The following UTRN variants were observed in gnomAD, a reference collection of about 807,000 sequenced individuals.
UTRN encodes dystrophin-related protein 1.
A neutral mutation model predicts 463.9 loss-of-function variants in UTRN; 283 were observed. That is an observed-to-expected ratio of 0.61 (90% CI 0.55 to 0.67). The LOEUF is 0.67. UTRN is among the 30% of genes least tolerant of loss of function. The pLI is 0.00. For synonymous variants in UTRN, 1,442 were observed against 1,431.5 expected (o/e 1.01, Z -0.17); for missense variants, 3,922 against 4,084.3 (o/e 0.96, Z 1.08).
chr6:144,452,476 G>A (rs1475764454), intron 18 of UTRN, among the ~76,000 whole-genome samples: 1 of 152,202 alleles, frequency 6.6e-6, no homozygotes, highest in Non-Finnish European at 1.5e-5. Context: ...TGGGGATGGA[G>A]GAATGAGAGA....
chr6:144,762,803 A>G (rs1289724647), intron 58 of UTRN, among the ~76,000 whole-genome samples: 1 of 152,244 alleles, frequency 6.6e-6, no homozygotes, highest in Non-Finnish European at 1.5e-5. Context: ...ATAAGTCCTA[A>G]GGGACTTGAA....
At chr6:144,521,939 A>G (rs1197617602) in intron 39 of UTRN, 41 bp from the exon 40 acceptor site, 4 of 1,034,606 alleles carry the variant, frequency 3.9e-6, no homozygotes, top group Admixed American at 8.6e-5. Context: ...TTTAAGAGAT[A>G]TATATATATA....
At chr6:144,824,572 TTATATATATATATATATATATATATA>T (rs71028314) in intron 66 of UTRN, among the ~76,000 whole-genome samples, 12 of 37,902 alleles carry the variant, frequency 3.2e-4, no homozygotes, top group Non-Finnish European at 5.3e-4. Flanking sequence ...AGCATTTTAT[TTATATATATATATATATATATATATA>T]TATATATATA....
chr6:144,498,121 A>G (rs997843277), intron 33 of UTRN, among the ~76,000 whole-genome samples: 5 of 152,230 alleles, frequency 3.3e-5, no homozygotes, highest in African/African-American at 1.2e-4. Flanking sequence ...TGTCCACATA[A>G]ACATATTAAT....
intron 51 of UTRN, among the ~76,000 whole-genome samples, chr6:144,594,707 AT>A (rs1446772979): frequency 6.6e-6 from 1 of 152,150 alleles, no homozygotes; most frequent in Non-Finnish European, 1.5e-5. Flanking sequence ...AGCCATCACT[AT>A]AATCTAATTT....
At chr6:144,582,286 C>G (rs1178456346) in intron 51 of UTRN, among the ~76,000 whole-genome samples, 2 of 152,082 alleles carry the variant, frequency 1.3e-5, no homozygotes, top group African/African-American at 4.8e-5. Context: ...AGCATTAGCC[C>G]GGTTACCAGT....
intron 41 of UTRN, among the ~76,000 whole-genome samples, chr6:144,525,566 C>G (rs993388428): frequency 4.6e-5 from 7 of 152,004 alleles, no homozygotes; most frequent in Non-Finnish European, 1.0e-4. Context: ...TTTGGATCCT[C>G]TCTCTTTTCT....
intron 34 of UTRN, among the ~76,000 whole-genome samples, chr6:144,503,974 T>C (rs1371645371): frequency 6.6e-6 from 1 of 152,234 alleles, no homozygotes; most frequent in East Asian, 1.9e-4. Flanking sequence ...CCTTGTAAGT[T>C]GTATTCCTAG....
At chr6:144,529,588 A>T (rs1382093802) in intron 41 of UTRN, among the ~76,000 whole-genome samples, 1 of 152,142 alleles carries the variant, frequency 6.6e-6, no homozygotes, top group Non-Finnish European at 1.5e-5. Context: ...ATTGTTGTGT[A>T]GTTATTGTGA....
intron 58 of UTRN, 75 bp from the exon 59 acceptor site, chr6:144,771,831 TG>T: frequency 8.5e-7 from 1 of 1,172,686 alleles, no homozygotes; most frequent in Non-Finnish European, 1.2e-6. Context: ...CATTTCTACT[TG>T]GGTATTTCGT....
At chr6:144,601,801 C>A (rs1189909665) in intron 51 of UTRN, among the ~76,000 whole-genome samples, 2 of 151,952 alleles carry the variant, frequency 1.3e-5, no homozygotes, top group African/African-American at 4.8e-5. Flanking sequence ...ATAAATGGGG[C>A]AGACAGGAAG....
At chr6:144,291,026 G>A (rs890015081) in intron 1 of UTRN, among the ~76,000 whole-genome samples, 14 of 151,114 alleles carry the variant, frequency 9.3e-5, no homozygotes, top group Non-Finnish European at 8.8e-5. Flanking sequence ...CACCTGCCTC[G>A]GCCTCCCAAA....
intron 3 of UTRN, among the ~76,000 whole-genome samples, chr6:144,420,004 A>G (rs751537315): frequency 6.6e-6 from 1 of 151,954 alleles, no homozygotes; most frequent in Non-Finnish European, 1.5e-5. Flanking sequence ...ACACAATAAA[A>G]ACAGATAAGG....
At chr6:144,659,260 T>A (rs1242154716) in intron 51 of UTRN, among the ~76,000 whole-genome samples, 2 of 152,172 alleles carry the variant, frequency 1.3e-5, no homozygotes, top group East Asian at 3.9e-4. Flanking sequence ...CTCCAGGAAG[T>A]GGGAGTGAGC....
chr6:144,798,414 T>G (rs1777419661), intron 64 of UTRN, among the ~76,000 whole-genome samples: 1 of 152,194 alleles, frequency 6.6e-6, no homozygotes, highest in East Asian at 1.9e-4. Context: ...CTTTGTGTTA[T>G]TTCTGCCAAG....
rs6909044 is a variant in UTRN, at chr6:144,384,554, G to A, written c.80-18569G>A. ...TTTGGTGCCAAAAAGGTTAGGGACC[G>A]CCACATTAAACAACAACTCCTCACT... is the stretch of plus-strand genomic sequence containing the variant. On this transcript the variant is annotated intron_variant, in intron 2 of 74. Transcript: ENST00000367545. Among the ~76,000 whole-genome samples, 699 of 152,012 alleles carry A rather than the reference G, an allele frequency of 4.6e-3. 5 individuals are homozygous for A. Among genetic ancestry groups the A allele is most frequent in the African/African-American group, 0.016 (662 of 41,446 alleles).
chr6:144,799,454 A>C (rs1365805981), intron 64 of UTRN: 1 of 471,626 alleles, frequency 2.1e-6, no homozygotes, highest in Non-Finnish European at 4.4e-6. Flanking sequence ...CAAAGCACAA[A>C]TGTTGGAAGA....
At chr6:144,305,990 A>G (rs1230871117) in intron 2 of UTRN, among the ~76,000 whole-genome samples, 1 of 152,236 alleles carries the variant, frequency 6.6e-6, no homozygotes, top group Non-Finnish European at 1.5e-5. Flanking sequence ...GACATATTAA[A>G]TAAAAAAAGC....
chr6:144,495,442 G>A (rs1165688240), intron 33 of UTRN, among the ~76,000 whole-genome samples: 1 of 152,242 alleles, frequency 6.6e-6, no homozygotes, highest in Non-Finnish European at 1.5e-5. Flanking sequence ...GCTGCTCCGA[G>A]TGCGGGGCCC....
Sources: allele counts gnomAD v4.1 joint callset (sites outside exome capture counted in the v4.1 genomes callset), GRCh38; gene constraint gnomAD v4.1.1; transcripts MANE v1.5; gene names NCBI Gene and HGNC (gene_info 2026-07-23, HGNC 2026-07-21).